Variants in DTWD2 observed in about 807,000 individuals in gnomAD.
The protein encoded by DTWD2 is tRNA-uridine aminocarboxypropyltransferase 2.
DTWD2 carries 39 observed loss-of-function variants against 31.8 expected under a neutral mutation model. That is an observed-to-expected ratio of 1.22 (90% CI 0.95 to 1.60). DTWD2 has a LOEUF of 1.60. Ranked by LOEUF, DTWD2 falls within the 40% of genes most tolerant of loss-of-function variation. The pLI is 0.00. For synonymous variants in DTWD2, 180 were observed against 142.8 expected (o/e 1.26, Z -1.86); for missense variants, 515 against 381.5 (o/e 1.35, Z -2.92).
At chr5:118,971,868 G>C (rs1035356008) in intron 1 of DTWD2, among the ~76,000 whole-genome samples, 17 of 152,180 alleles carry the variant, frequency 1.1e-4, no homozygotes, top group African/African-American at 3.9e-4. Flanking sequence ...CAACCTGAAT[G>C]ACTCCTTGAT....
At chr5:118,912,406 C>T (rs1329896429) in intron 4 of DTWD2, among the ~76,000 whole-genome samples, 1 of 152,242 alleles carries the variant, frequency 6.6e-6, no homozygotes, top group Admixed American at 6.5e-5. Context: ...AAACTTCTTA[C>T]TAAGGCCACA....
chr5:118,950,052 T>C (rs901173859), intron 1 of DTWD2, among the ~76,000 whole-genome samples: 1 of 151,450 alleles, frequency 6.6e-6, no homozygotes, highest in Non-Finnish European at 1.5e-5. Context: ...CTATTAAAAA[T>C]ACAAAAAATT....
chr5:118,934,438 G>C (rs893820848), intron 3 of DTWD2, among the ~76,000 whole-genome samples: 2 of 151,330 alleles, frequency 1.3e-5, no homozygotes, highest in Admixed American at 1.3e-4. Context: ...ACAAAAAATA[G>C]AAGGAGATTG....
intron 3 of DTWD2, among the ~76,000 whole-genome samples, chr5:118,932,040 A>G (rs1359923128): frequency 1.3e-5 from 2 of 152,224 alleles, no homozygotes; most frequent in Non-Finnish European, 2.9e-5. Flanking sequence ...GAAAATGAAA[A>G]TACAACTTAT....
At chr5:118,842,610 G>A (rs1751744299) in intron 5 of DTWD2, among the ~76,000 whole-genome samples, 2 of 152,036 alleles carry the variant, frequency 1.3e-5, no homozygotes, top group African/African-American at 4.8e-5. Flanking sequence ...ATTAACCACT[G>A]CAGTAAGGGC....
At chr5:118,988,121 G>A (rs1373030698) in intron 1 of DTWD2, 173 bp downstream of exon 1, 4 of 787,092 alleles carry the variant, frequency 5.1e-6, no homozygotes, top group Non-Finnish European at 8.6e-6. Flanking sequence ...TGGAAAAAGG[G>A]CTTCTTACTA....
At position 118,940,235 on chromosome 5, in the gene DTWD2, T is replaced by C. The variant is rs1374828767; in HGVS notation, c.310-945A>G. On this transcript the variant is annotated intron_variant, in intron 2 of 5. Transcript: ENST00000510708. ...TCTTGTTGCCACGAGAATTCTACCTTGAATCCCATAGAGCCAAGTGATTAG... is the reference window on the plus strand; with the variant it reads ...TCTTGTTGCCACGAGAATTCTACCTCGAATCCCATAGAGCCAAGTGATTAG... Among the ~76,000 whole-genome samples the C allele has an allele frequency of 2.0e-5, 3 of 152,346 alleles. No homozygotes were observed. In the East Asian group the frequency reaches 5.8e-4, roughly 29 times the overall value.
chr5:118,861,062 G>A (rs1012702609), intron 4 of DTWD2, among the ~76,000 whole-genome samples: 10 of 152,130 alleles, frequency 6.6e-5, no homozygotes, highest in East Asian at 1.9e-4. Flanking sequence ...GGCTTTAAAG[G>A]ACAATTTTCT....
At chr5:118,892,474 A>G (rs1296592169) in intron 4 of DTWD2, among the ~76,000 whole-genome samples, 1 of 152,184 alleles carries the variant, frequency 6.6e-6, no homozygotes, top group African/African-American at 2.4e-5. Context: ...AAATTGTTCT[A>G]CATCTTTACT....
intron 3 of DTWD2, among the ~76,000 whole-genome samples, chr5:118,934,442 G>A (rs80330120): frequency 0.058 from 8,819 of 151,576 alleles, 295 homozygotes; most frequent in Middle Eastern, 0.16. Context: ...AAAATAGAAG[G>A]AGATTGCATG....
chr5:118,947,070 A>C (rs534254676), intron 1 of DTWD2, among the ~76,000 whole-genome samples: 1 of 152,080 alleles, frequency 6.6e-6, no homozygotes. Context: ...TGCCTGCCTC[A>C]CTTACTCAGC....
At chr5:118,942,665 A>G (rs1754232907) in intron 2 of DTWD2, among the ~76,000 whole-genome samples, 1 of 152,062 alleles carries the variant, frequency 6.6e-6, no homozygotes, top group South Asian at 2.1e-4. Context: ...GAAAGAAAAC[A>G]TTAATATTGC....
At chr5:118,970,287 C>A (rs1040079845) in intron 1 of DTWD2, among the ~76,000 whole-genome samples, 9 of 152,170 alleles carry the variant, frequency 5.9e-5, no homozygotes, top group African/African-American at 2.2e-4. Context: ...ATTAGCCAAG[C>A]ATGGTGGTGT....
intron 1 of DTWD2, among the ~76,000 whole-genome samples, chr5:118,948,673 G>A (rs1164683727): frequency 3.3e-5 from 5 of 151,992 alleles, no homozygotes; most frequent in East Asian, 1.9e-4. Context: ...TACAGGGCAC[G>A]GTCCCGGCTC....
intron 4 of DTWD2, among the ~76,000 whole-genome samples, chr5:118,862,976 T>C (rs1411938399): frequency 1.3e-5 from 2 of 152,176 alleles, no homozygotes; most frequent in Non-Finnish European, 2.9e-5. Context: ...GACATTCTCA[T>C]GTGAAAAGCT....
chr5:118,951,272 T>C lies in DTWD2; in HGVS notation c.219-6623A>G, dbSNP rs1053325194. Among the ~76,000 whole-genome samples the C allele has an allele frequency of 3.9e-5, 6 of 151,930 alleles. 1 individual carries two copies. Among genetic ancestry groups the C allele is most frequent in the African/African-American group, 1.5e-4 (6 of 41,328 alleles). On this transcript the variant is annotated intron_variant, in intron 1 of 5. Coordinates refer to ENST00000510708, the MANE Select transcript of DTWD2 (RefSeq NM_173666.4). ...GGAGGAGCAGAAGCCGAGGAAGAAG[T>C]GGGACCTGGCTCGGCCTGGCAAGGG...
rs1009163870 is a variant in DTWD2 at position 118,860,453 on chromosome 5, G to A, written c.598-12235C>T. On this transcript the variant is annotated intron_variant, in intron 4 of 5. Transcript: ENST00000510708. ...GTTTATTCAAACAGTCCACATTTTT[G>A]ATATTTGGGTTGTTTTTCTAGTCAT... is the stretch of plus-strand genomic sequence containing the variant. Among the ~76,000 whole-genome samples, 9 of 151,698 alleles carry A rather than the reference G, an allele frequency of 5.9e-5. 1 individual carries two copies. Among genetic ancestry groups the A allele is most frequent in the Middle Eastern group, 3.4e-3 (1 of 292 alleles).
chr5:118,959,178 A>G (rs563258011), intron 1 of DTWD2, among the ~76,000 whole-genome samples: 1 of 152,296 alleles, frequency 6.6e-6, no homozygotes, highest in Admixed American at 6.5e-5. Flanking sequence ...TGCAGACAAT[A>G]TTCTTTTTTA....
intron 4 of DTWD2, among the ~76,000 whole-genome samples, chr5:118,914,371 G>C (rs1753527187): frequency 6.6e-6 from 1 of 152,132 alleles, no homozygotes; most frequent in South Asian, 2.1e-4. Flanking sequence ...AAACCTATCA[G>C]TGCCTTAATA....
Sources: allele counts gnomAD v4.1 joint callset (sites outside exome capture counted in the v4.1 genomes callset), GRCh38; gene constraint gnomAD v4.1.1; transcripts MANE v1.5; gene names NCBI Gene and HGNC (gene_info 2026-07-23, HGNC 2026-07-21).